The following TAOK2 variants were observed in gnomAD, a reference collection of about 807,000 sequenced individuals.
TAOK2 encodes TAO kinase 2.
Under a neutral mutation model 122.5 loss-of-function variants are expected in TAOK2, and 42 were observed. That is an observed-to-expected ratio of 0.34 (90% CI 0.27 to 0.44). The LOEUF is 0.44. Ranked by LOEUF, TAOK2 falls within the 20% of genes least tolerant of loss-of-function variation. TAOK2 has a pLI of 1.00. For missense variants in TAOK2, 1,264 were observed against 1,644.9 expected, an observed-to-expected ratio of 0.77 and a Z score of 4.01; for synonymous variants, 704 against 677.6, an observed-to-expected ratio of 1.04 and a Z score of -0.61.
In TAOK2 at chr16:29,987,794, G is replaced by T; in HGVS notation, c.3522G>T (p.Pro1174=). 6.2e-7 allele frequency: 1 copy of T among 1,613,768 alleles called. No homozygotes were observed. ...AGGGTTTAGCATCCCACTTGCCCCC[G>T]TGGGCCATCCACACACTGGCCAGCT... ...ASQGLASHLP[P]WAIHTLASWG... is the part of the protein sequence containing the mutation. The change falls in exon 16 of 16, where the codon CCG becomes CCT. Residue 1174 remains proline, a synonymous_variant. Coordinates refer to ENST00000308893, the MANE Select transcript of TAOK2 (RefSeq NM_016151.4).
downstream of TAOK2, chr16:29,991,276 G>A: frequency 6.2e-7 from 1 of 1,611,886 alleles, no homozygotes; most frequent in South Asian, 1.1e-5. This position sits in a 1 kb window ranked among gnomAD's most constrained non-coding sequence, Gnocchi z 5.6. Context: ...GGGGCACACT[G>A]GAGCCATGGC....
chr16:29,978,038 C>A, intron 2 of TAOK2, 51 bp from the exon 3 acceptor site: 1 of 1,612,900 alleles, frequency 6.2e-7, no homozygotes. Flanking sequence ...CAAGTCTTCC[C>A]ATGCCCGGCT....
downstream of TAOK2, chr16:29,990,715 A>G: frequency 6.7e-7 from 1 of 1,486,104 alleles, no homozygotes; most frequent in Non-Finnish European, 9.1e-7. Flanking sequence ...GCCCAGGCCT[A>G]CCTGGGGCAG....
In TAOK2 at chr16:29,986,979, G is replaced by A. The variant is rs2150904436; in HGVS notation, c.2707G>A (p.Glu903Lys). ...PALTPVPEEE[E>K]EEEEGAPIGT... ...ACTGACTCCCGTCCCTGAGGAGGAG[G>A]AAGAAGAGGAAGAGGGGGCTCCGAT... Residue 903 changes from glutamate (E) to lysine (K), a missense_variant, in exon 16 of 16, where the codon GAA becomes AAA. Transcript: ENST00000308893. This position sits in a 1 kb window ranked among gnomAD's most constrained non-coding sequence, Gnocchi z 4.2. 1 of 1,613,496 alleles carries A rather than the reference G, an allele frequency of 6.2e-7. No individual in the cohort carries two copies. Among genetic ancestry groups the A allele is most frequent in the Non-Finnish European group, 8.5e-7 (1 of 1,179,630 alleles).
chr16:29,978,410 C>T (rs1357627563), intron 4 of TAOK2, 57 bp downstream of exon 4: 16 of 1,558,648 alleles, frequency 1.0e-5, no homozygotes, highest in Non-Finnish European at 1.3e-5. Context: ...CCGTCCTTAT[C>T]GTAGTCCAGT....
chr16:29,982,707 G>T, intron 10 of TAOK2, 27 bp from the exon 11 acceptor site: 1 of 1,600,232 alleles, frequency 6.2e-7, no homozygotes, highest in Non-Finnish European at 8.5e-7. Flanking sequence ...GGAGTTGGCA[G>T]CAGACCTCAG....
chr16:29,983,285 G>C lies in TAOK2; in HGVS notation c.1213G>C (p.Gly405Arg). 2 of 1,604,546 alleles carry C rather than the reference G, an allele frequency of 1.2e-6. No homozygotes were observed. Among genetic ancestry groups the C allele is most frequent in the South Asian group, 2.2e-5 (2 of 91,070 alleles). Residue 405 changes from glycine to arginine, a missense_variant, in exon 12 of 16, where the codon GGG (glycine) becomes CGG (arginine). By Grantham distance (125) the Gly-to-Arg change is moderately radical. This residue lies in a region of TAOK2 where 122 missense variants were observed against 116.7 expected (regional missense o/e 1.04). Coordinates refer to ENST00000308893, the MANE Select transcript of TAOK2 (RefSeq NM_016151.4). ...EAREMAMMQE[G>R]EHTVTSHSSI... ...CCGGGAGATGGCCATGATGCAGGAG[G>C]GGGAGCACACAGTCACCTCTCACAG...
intron 1 of TAOK2, among the ~76,000 whole-genome samples, 164 bp from the exon 2 acceptor site, chr16:29,977,574 T>A (rs1388344413): frequency 2.0e-5 from 3 of 152,112 alleles, no homozygotes; most frequent in Non-Finnish European, 4.4e-5. Flanking sequence ...GCAACTTCAT[T>A]TTTTGGAGCT....
Position 29,988,324 on chromosome 16 carries a change from C to A in TAOK2, c.*344C>A. The A allele has an allele frequency of 1.4e-6, 2 of 1,419,048 alleles. No homozygotes were observed. The highest frequency in any genetic ancestry group is 9.3e-7 in the Non-Finnish European group (1 of 1,074,188). The allele number at this position is 1,419,048 out of a possible 1,614,324, so 87.9% of individuals were successfully genotyped here. A position where few individuals can be genotyped will look rare whatever the true frequency, so the allele number is the denominator to read the frequency against. ...TCTTTGATTTTGTTTTTCTGTCTCC[C>A]TTCCAACCTGTCCCCTTCCCCCCAC... is the stretch of plus-strand genomic sequence containing the variant. On this transcript the variant is annotated 3_prime_UTR_variant, in exon 16 of 16. Coordinates refer to ENST00000308893, the MANE Select transcript of TAOK2 (RefSeq NM_016151.4).
At chr16:29,989,830 A>T, downstream of TAOK2, 5 of 1,608,692 alleles carry the variant, frequency 3.1e-6, no homozygotes, top group Non-Finnish European at 4.2e-6. Flanking sequence ...CCAGGGAGGG[A>T]GTGCGCTAGA....
rs1477706007 is a variant in TAOK2 at position 29,979,501 on chromosome 16, C to T, written c.648C>T (p.Ile216=). ...VDVWSLGITC[I]ELAERKPPLF... Reference sequence around the variant, plus strand: ...TCTGGTCCTTGGGGATAACCTGCATCGAGCTGGGTAAGAACATCCTCCCTG... The same window carrying T: ...TCTGGTCCTTGGGGATAACCTGCATTGAGCTGGGTAAGAACATCCTCCCTG... The change falls in exon 8 of 16, where the codon ATC becomes ATT. Residue 216 remains isoleucine (I), a synonymous_variant. Transcript: ENST00000308893. The surrounding 1 kb of genome is among the most constrained non-coding windows in gnomAD (Gnocchi z 4.1). The T allele has an allele frequency of 1.2e-5, 19 of 1,537,940 alleles. No individual in the cohort carries two copies. Among genetic ancestry groups the T allele is most frequent in the South Asian group, 2.5e-5 (2 of 78,644 alleles).
downstream of TAOK2, chr16:29,988,488 C>T (rs1338291501): frequency 4.2e-6 from 5 of 1,200,948 alleles, no homozygotes; most frequent in African/African-American, 6.4e-5. Context: ...GGCTCCATGA[C>T]CTCTTCACCC....
downstream of TAOK2, chr16:29,989,458 G>A: frequency 6.7e-7 from 1 of 1,486,080 alleles, no homozygotes; most frequent in Middle Eastern, 2.0e-4. Context: ...CCCTCTCCCT[G>A]TCTCTGCTTC....
In TAOK2 at chr16:29,976,115, G is replaced by C. The variant is rs190163247; in HGVS notation, c.-36+1467G>C. Among the ~76,000 whole-genome samples, 36 of 152,286 alleles carry C rather than the reference G, an allele frequency of 2.4e-4. No homozygotes were observed. The East Asian group carries it at 3.3e-3, about 14-fold the overall frequency. On this transcript the variant is annotated intron_variant, in intron 1 of 15. Coordinates refer to ENST00000308893, the MANE Select transcript of TAOK2 (RefSeq NM_016151.4). ...GGACCTGCATGATGTTTTGCCAGTG[G>C]GTGGCACCCCTCCGTGTGGCCTAGG...
Position 29,985,077 on chromosome 16 carries a change from C to T in TAOK2, c.1423-136C>T. 8.8e-7 allele frequency: 1 copy of T among 1,139,474 alleles called. No homozygotes were observed. The highest frequency in any genetic ancestry group is 1.2e-6 in the Non-Finnish European group (1 of 857,558). The allele number at this position is 1,139,474 out of a possible 1,614,324, so 70.6% of individuals were successfully genotyped here. On this transcript the variant is annotated intron_variant, in intron 13 of 15. Coordinates refer to ENST00000308893, the MANE Select transcript of TAOK2 (RefSeq NM_016151.4). This position sits in a 1 kb window ranked among gnomAD's most constrained non-coding sequence, Gnocchi z 6.9. ...CAGTTGAGGAAACAGGCTAGAGTGG[C>T]CGTGTGTGAGGAAGGTGTTAAATGA...
At chr16:29,991,332 C>T (rs1015642389), downstream of TAOK2, 1 of 1,604,218 alleles carries the variant, frequency 6.2e-7, no homozygotes, top group Non-Finnish European at 8.5e-7. The surrounding 1 kb of genome is among the most constrained non-coding windows in gnomAD (Gnocchi z 5.6). Flanking sequence ...TCAGCCGTCT[C>T]TGCTGGCTCC....
At chr16:29,982,984 A>G (rs2069663363) in intron 11 of TAOK2, 83 bp downstream of exon 11, 3 of 1,603,172 alleles carry the variant, frequency 1.9e-6, no homozygotes, top group South Asian at 1.1e-5. Context: ...CCCCAGCCCT[A>G]CTCACACCAC....
rs2069511242 is a variant in TAOK2 at position 29,978,127 on chromosome 16, G to A, written c.171G>A (p.Lys57=). The A allele has an allele frequency of 6.2e-7, 1 of 1,614,034 alleles. No homozygotes were observed. The highest frequency in any genetic ancestry group is 1.7e-5 in the Admixed American group (1 of 60,000). ...DVRNSEVVAI[K]KMSYSGKQSN... ...GGAATAGTGAGGTGGTGGCCATCAA[G>A]AAGATGTCCTACAGTGGGAAGCAGT... Residue 57 remains lysine, a synonymous_variant, in exon 3 of 16, where the codon AAG becomes AAA. Coordinates refer to ENST00000308893, the MANE Select transcript of TAOK2 (RefSeq NM_016151.4).
chr16:29,985,269 C>T lies in TAOK2; in HGVS notation c.1479C>T (p.Ser493=), dbSNP rs55656713. ...EQDSALREQL[S]GYKRMRRQHQ... Reference sequence around the variant, plus strand: ...ACTCTGCGCTGCGGGAGCAGCTGAGCGGCTATAAGCGGATGCGACGACAGC... The same window carrying T: ...ACTCTGCGCTGCGGGAGCAGCTGAGTGGCTATAAGCGGATGCGACGACAGC... The change falls in exon 14 of 16, where the codon AGC becomes AGT. Residue 493 remains serine (S), a synonymous_variant. Coordinates refer to ENST00000308893, the MANE Select transcript of TAOK2 (RefSeq NM_016151.4). The surrounding 1 kb of genome is among the most constrained non-coding windows in gnomAD (Gnocchi z 6.9). 1,983 of 1,570,994 alleles carry T rather than the reference C, an allele frequency of 1.3e-3. 21 individuals are homozygous for T. In the African/African-American group the frequency reaches 0.024, roughly 19 times the overall value.
Sources: gnomAD v4.1 joint callset for allele counts (sites outside exome capture counted in the v4.1 genomes callset) on GRCh38, gnomAD v4.1.1 for gene constraint, gnomAD v4.1.1 regional missense constraint, Gnocchi (gnomAD v3.1) non-coding constraint, MANE v1.5 for transcripts, NCBI Gene and HGNC (gene_info 2026-07-23, HGNC 2026-07-21) for gene names.